The following TSNARE1 variants were observed in gnomAD, a reference collection of about 807,000 sequenced individuals.
TSNARE1 encodes t-SNARE domain-containing protein 1.
A neutral mutation model predicts 62.0 loss-of-function variants in TSNARE1; 49 were observed. The ratio of observed to expected loss-of-function variants is 0.79; its 90% CI spans 0.63 to 1.00. The LOEUF (loss-of-function observed/expected upper bound fraction) is 1.00. TSNARE1 is among the 50% of genes least tolerant of loss of function. The pLI is 0.00. For missense variants in TSNARE1, 755 were observed against 700.1 expected, an observed-to-expected ratio of 1.08 and a Z score of -0.88; for synonymous variants, 328 against 294.4, an observed-to-expected ratio of 1.11 and a Z score of -1.17.
intron 9 of TSNARE1, among the ~76,000 whole-genome samples, chr8:142,302,939 C>T (rs1826013965): frequency 1.3e-5 from 2 of 152,042 alleles, no homozygotes; most frequent in African/African-American, 4.8e-5. Flanking sequence ...GTGAAGGATC[C>T]TCCGTCAGCA....
At chr8:142,230,482 A>G (rs886090352) in intron 12 of TSNARE1, among the ~76,000 whole-genome samples, 1 of 152,132 alleles carries the variant, frequency 6.6e-6, no homozygotes, top group African/African-American at 2.4e-5. Flanking sequence ...TGGAGAGAGC[A>G]CTCAGGAAGC....
intron 9 of TSNARE1, among the ~76,000 whole-genome samples, chr8:142,305,730 T>C (rs1266790053): frequency 6.6e-6 from 1 of 152,172 alleles, no homozygotes; most frequent in Non-Finnish European, 1.5e-5. Flanking sequence ...AGGGATTTGC[T>C]GGCAAGGTGC....
intron 9 of TSNARE1, among the ~76,000 whole-genome samples, chr8:142,304,117 T>C (rs1316541333): frequency 1.3e-5 from 2 of 152,184 alleles, no homozygotes; most frequent in Non-Finnish European, 2.9e-5. Context: ...TGTGGATAGA[T>C]GAATATAAAA....
intron 13 of TSNARE1, among the ~76,000 whole-genome samples, chr8:142,220,533 C>T (rs1243016463): frequency 1.3e-5 from 2 of 152,162 alleles, no homozygotes; most frequent in African/African-American, 4.8e-5. Flanking sequence ...GCCCGGGTGG[C>T]CTCCAGGTTA....
intron 11 of TSNARE1, 42 bp from the exon 12 acceptor site, chr8:142,274,905 C>A: frequency 6.8e-7 from 1 of 1,470,730 alleles, no homozygotes. Flanking sequence ...GATGGAGGCC[C>A]AGCCGCCCCC....
intron 10 of TSNARE1, among the ~76,000 whole-genome samples, chr8:142,295,450 A>T (rs1192066336): frequency 2.0e-5 from 3 of 151,710 alleles, no homozygotes; most frequent in African/African-American, 7.3e-5. Flanking sequence ...CTCCTCTAAC[A>T]CCCCTGTGTA....
chr8:142,255,387 C>T (rs1818376787), intron 12 of TSNARE1, among the ~76,000 whole-genome samples: 1 of 148,506 alleles, frequency 6.7e-6, no homozygotes, highest in South Asian at 2.2e-4. Context: ...TGGCTGTTAC[C>T]ACCACCATTA....
chr8:142,335,153 A>G (rs1223375556), intron 4 of TSNARE1, among the ~76,000 whole-genome samples: 2 of 152,086 alleles, frequency 1.3e-5, no homozygotes, highest in Non-Finnish European at 2.9e-5. Flanking sequence ...CAGGGTTATC[A>G]TGTGTTATAA....
intron 1 of TSNARE1, among the ~76,000 whole-genome samples, chr8:142,380,475 T>C (rs1448056053): frequency 6.6e-6 from 1 of 152,140 alleles, no homozygotes; most frequent in Non-Finnish European, 1.5e-5. Context: ...GGACAGACCC[T>C]GAGGCAATGT....
chr8:142,221,790 C>G (rs1816248218), intron 13 of TSNARE1, among the ~76,000 whole-genome samples: 1 of 131,910 alleles, frequency 7.6e-6, no homozygotes, highest in African/African-American at 2.8e-5. Flanking sequence ...CTCACTCATC[C>G]ACTCATTCAC....
At chr8:142,343,768 A>AGAAGAG (rs1832917871) in intron 4 of TSNARE1, among the ~76,000 whole-genome samples, 198 bp downstream of exon 4, 1 of 61,028 alleles carries the variant, frequency 1.6e-5, no homozygotes, top group Non-Finnish European at 2.6e-5. Context: ...GGAGGAGGGG[A>AGAAGAG]GAAGAGGAGG....
chr8:142,345,936 C>A (rs200148456), intron 2 of TSNARE1, 44 bp from the exon 3 acceptor site: 15 of 1,582,260 alleles, frequency 9.5e-6, no homozygotes, highest in African/African-American at 1.4e-5. Flanking sequence ...CAGCTCAGGG[C>A]GCTCCTGGCA....
In TSNARE1 at chr8:142,388,586, C is replaced by T. The variant is rs547214543; in HGVS notation, c.-40+14518G>A. Among the ~76,000 whole-genome samples, 46 of 109,696 alleles carry T rather than the reference C, an allele frequency of 4.2e-4. 1 individual carries two copies. The South Asian group carries it at 0.015, about 35-fold the overall frequency. 72.0% of individuals were successfully genotyped at this position (109,696 alleles called of 152,430 possible). The stretch of plus-strand genomic sequence containing the variant: ...TTTTTTTTTTTTTTTGAGACAGAGT[C>T]TCGCTCTGTCACCCAAGCTGGAATG... On this transcript the variant is annotated intron_variant, in intron 1 of 13. Transcript: ENST00000524325.
intron 12 of TSNARE1, among the ~76,000 whole-genome samples, chr8:142,239,181 T>C (rs2130170277): frequency 6.6e-6 from 1 of 152,248 alleles, no homozygotes; most frequent in Non-Finnish European, 1.5e-5. Flanking sequence ...GCCAGAAAAC[T>C]GAGTTCAAGG....
At chr8:142,282,964 A>AC (rs1821885968) in intron 11 of TSNARE1, among the ~76,000 whole-genome samples, 1 of 149,644 alleles carries the variant, frequency 6.7e-6, no homozygotes, top group Non-Finnish European at 1.5e-5. Context: ...AGGGGAGGCC[A>AC]CTGTCTGTCT....
chr8:142,352,051 TG>T (rs1834157666), intron 2 of TSNARE1, among the ~76,000 whole-genome samples: 1 of 152,266 alleles, frequency 6.6e-6, no homozygotes, highest in Non-Finnish European at 1.5e-5. Context: ...AAGGGAATGA[TG>T]GATCAACTCA....
At chr8:142,233,433 C>T (rs944950211) in intron 12 of TSNARE1, among the ~76,000 whole-genome samples, 1 of 152,160 alleles carries the variant, frequency 6.6e-6, no homozygotes, top group African/African-American at 2.4e-5. Flanking sequence ...GCCTGGGGCA[C>T]GGTTCTACCC....
chr8:142,372,705 C>T (rs886648934), intron 1 of TSNARE1, among the ~76,000 whole-genome samples: 16 of 152,318 alleles, frequency 1.1e-4, no homozygotes, highest in African/African-American at 3.6e-4. Context: ...GGACCCGGAA[C>T]ATCCCCAAGG....
chr8:142,389,484 A>G (rs771738316), intron 1 of TSNARE1, among the ~76,000 whole-genome samples: 2 of 152,224 alleles, frequency 1.3e-5, no homozygotes, highest in South Asian at 4.1e-4. Context: ...TATCCTGCAC[A>G]TATATCACAC....
Sources: gnomAD v4.1 joint callset for allele counts (sites outside exome capture counted in the v4.1 genomes callset) on GRCh38, gnomAD v4.1.1 for gene constraint, MANE v1.5 for transcripts, NCBI Gene and HGNC (gene_info 2026-07-23, HGNC 2026-07-21) for gene names.